The following FUT8 variants were observed in gnomAD, a reference collection of about 807,000 sequenced individuals.
FUT8 encodes the protein alpha-(1,6)-fucosyltransferase.
In FUT8, 29 loss-of-function variants were observed where a neutral mutation model predicts 71.3. The ratio of observed to expected loss-of-function variants is 0.41; its 90% CI spans 0.30 to 0.55. FUT8 has a LOEUF of 0.55. Ranked by LOEUF, FUT8 falls within the 20% of genes least tolerant of loss-of-function variation. FUT8 has a pLI of 0.34. For synonymous variants in FUT8, 254 were observed against 239.3 expected (o/e 1.06, Z -0.57); for missense variants, 544 against 702.1 (o/e 0.77, Z 2.55).
At chr14:65,613,668 C>T (rs1198600634) in intron 3 of FUT8, among the ~76,000 whole-genome samples, 1 of 152,164 alleles carries the variant, frequency 6.6e-6, no homozygotes, top group African/African-American at 2.4e-5. Flanking sequence ...AAAATGTCTC[C>T]AATTACTTTG....
chr14:65,466,440 A>G (rs2139607244), intron 2 of FUT8, among the ~76,000 whole-genome samples: 1 of 152,180 alleles, frequency 6.6e-6, no homozygotes, highest in East Asian at 1.9e-4. Flanking sequence ...TAAAATATAA[A>G]TTATACTTAA....
At chr14:65,690,021 T>A (rs957016802) in intron 7 of FUT8, among the ~76,000 whole-genome samples, 1 of 152,246 alleles carries the variant, frequency 6.6e-6, no homozygotes, top group Non-Finnish European at 1.5e-5. Context: ...CCATGTTGAG[T>A]TCATTTTTAT....
At chr14:65,455,562 A>G (rs1193005011) in intron 1 of FUT8, 59 bp from the exon 2 acceptor site, 2 of 397,564 alleles carry the variant, frequency 5.0e-6, no homozygotes, top group Non-Finnish European at 8.9e-6. Flanking sequence ...AAAATTATAT[A>G]ATAATGCTAA....
At chr14:65,692,150 G>A (rs1232052257) in intron 7 of FUT8, among the ~76,000 whole-genome samples, 6 of 152,024 alleles carry the variant, frequency 3.9e-5, no homozygotes, top group Non-Finnish European at 8.8e-5. Context: ...GCCGGGCAGA[G>A]GGGCTCCTCA....
intron 1 of FUT8, among the ~76,000 whole-genome samples, chr14:65,452,569 A>G (rs1329523836): frequency 6.6e-6 from 1 of 152,230 alleles, no homozygotes. Context: ...AGAGTTCACA[A>G]GGTAGAGTAT....
chr14:65,726,740 C>T (rs995249732), intron 9 of FUT8, among the ~76,000 whole-genome samples: 7 of 152,248 alleles, frequency 4.6e-5, no homozygotes, highest in African/African-American at 9.6e-5. Context: ...ACAGTCCCCC[C>T]GGAGTCTTAA....
chr14:65,570,666 C>A (rs1886419649), intron 3 of FUT8, among the ~76,000 whole-genome samples: 1 of 151,916 alleles, frequency 6.6e-6, no homozygotes. Flanking sequence ...TCCTTTGATT[C>A]CCTTTTAACC....
chr14:65,482,620 T>C (rs2066348924), intron 2 of FUT8, among the ~76,000 whole-genome samples: 1 of 152,200 alleles, frequency 6.6e-6, no homozygotes, highest in South Asian at 2.1e-4. Flanking sequence ...CTGACTATTA[T>C]GGCTTTATAA....
intron 2 of FUT8, chr14:65,528,720 T>TA (rs1376502740): frequency 1.3e-5 from 2 of 152,140 alleles, no homozygotes. Flanking sequence ...ATTGATAAGA[T>TA]ACACAGAAGA....
intron 9 of FUT8, among the ~76,000 whole-genome samples, chr14:65,728,401 A>G (rs1895794520): frequency 6.6e-6 from 1 of 152,246 alleles, no homozygotes; most frequent in African/African-American, 2.4e-5. Context: ...GGTGGCAGAC[A>G]AGAGAAGAGA....
chr14:65,659,183 T>C (rs971321492), intron 6 of FUT8, among the ~76,000 whole-genome samples: 1 of 151,672 alleles, frequency 6.6e-6, no homozygotes. Context: ...GTGTTTTTTG[T>C]TTTTTGTTTT....
At chr14:65,723,648 T>C (rs1194636605) in intron 8 of FUT8, among the ~76,000 whole-genome samples, 1 of 152,332 alleles carries the variant, frequency 6.6e-6, no homozygotes, top group African/African-American at 2.4e-5. Context: ...CTGGGACAAC[T>C]TTTAAGTTCT....
At chr14:65,427,637 ATTGAG>A (rs1226093422) in intron 1 of FUT8, among the ~76,000 whole-genome samples, 2 of 152,122 alleles carry the variant, frequency 1.3e-5, no homozygotes, top group Non-Finnish European at 2.9e-5. Context: ...TTTTCTTGCT[ATTGAG>A]TTGAGTTCCT....
In FUT8 at chr14:65,508,748, C is replaced by T. The variant is rs141520876; in HGVS notation, c.-227-52589C>T. ...AACTCCTGACCTCAGGTAATCCACC[C>T]GCTTCCGCCTCCCAAAGTGCTGGGA... is the stretch of plus-strand genomic sequence containing the variant. On this transcript the variant is annotated intron_variant, in intron 2 of 10. Transcript: ENST00000673929. Among the ~76,000 whole-genome samples the T allele has an allele frequency of 6.0e-5, 9 of 151,136 alleles. No individual in the cohort carries two copies. The East Asian group carries it at 1.2e-3, about 20-fold the overall frequency.
chr14:65,575,065 GTATTTTATTT>G (rs1027913555), intron 3 of FUT8, among the ~76,000 whole-genome samples: 1 of 150,936 alleles, frequency 6.6e-6, no homozygotes, highest in Non-Finnish European at 1.5e-5. Context: ...CTTCATTCCT[GTATTTTATTT>G]TATTTTATTA....
intron 1 of FUT8, among the ~76,000 whole-genome samples, chr14:65,436,873 A>G (rs1391644966): frequency 6.6e-6 from 1 of 152,194 alleles, no homozygotes; most frequent in Non-Finnish European, 1.5e-5. Context: ...AGTACTACCA[A>G]ATGATGCATT....
chr14:65,384,165 G>A, the FUT8 span, among the ~76,000 whole-genome samples: 1 of 152,198 alleles, frequency 6.6e-6, no homozygotes, highest in African/African-American at 2.4e-5. The surrounding 1 kb of genome is among the most constrained non-coding windows in gnomAD (Gnocchi z 4.2). Context: ...GCAGGGCAGT[G>A]AGAGGTGGGG....
intron 7 of FUT8, among the ~76,000 whole-genome samples, chr14:65,720,444 T>G (rs1895357554): frequency 6.6e-6 from 1 of 152,182 alleles, no homozygotes; most frequent in South Asian, 2.1e-4. Flanking sequence ...AAGAGCCCAC[T>G]TGGTGCTCTG....
At chr14:65,644,297 ATT>A (rs1173052027) in intron 6 of FUT8, among the ~76,000 whole-genome samples, 7 of 145,064 alleles carry the variant, frequency 4.8e-5, no homozygotes, top group Non-Finnish European at 6.1e-5. Flanking sequence ...ATATATATAT[ATT>A]TTTTTTTTTG....
Sources: allele counts gnomAD v4.1 joint callset (sites outside exome capture counted in the v4.1 genomes callset), GRCh38; gene constraint gnomAD v4.1.1; non-coding constraint Gnocchi (gnomAD v3.1); transcripts MANE v1.5; gene names NCBI Gene and HGNC (gene_info 2026-07-23, HGNC 2026-07-21).